Variants in MARCHF4 observed in about 807,000 individuals in gnomAD.
The protein encoded by MARCHF4 is E3 ubiquitin-protein ligase MARCHF4.
A neutral mutation model predicts 43.9 loss-of-function variants in MARCHF4; 14 were observed. The observed-to-expected ratio is 0.32, with a 90% confidence interval of 0.21 to 0.50. MARCHF4 has a LOEUF of 0.50. Among genes scored for constraint, MARCHF4 ranks in the 20% least tolerant of loss-of-function variants. The pLI is 0.98. For missense variants in MARCHF4, 468 were observed against 536.7 expected (o/e 0.87, Z 1.27); for synonymous variants, 226 against 213.3 (o/e 1.06, Z -0.52).
chr2:216,338,786 A>G (rs76925374), intron 1 of MARCHF4, among the ~76,000 whole-genome samples: 1,694 of 152,260 alleles, frequency 0.011, 28 homozygotes, highest in African/African-American at 0.039. Context: ...CTTGAACTCC[A>G]AAGTCTTCAA....
At chr2:216,329,466 A>G (rs1290365599) in intron 1 of MARCHF4, among the ~76,000 whole-genome samples, 1 of 152,162 alleles carries the variant, frequency 6.6e-6, no homozygotes, top group Non-Finnish European at 1.5e-5. Flanking sequence ...TATTTCAGAA[A>G]TGGGAAAAAT....
intron 1 of MARCHF4, among the ~76,000 whole-genome samples, chr2:216,293,871 G>GA: frequency 7.5e-6 from 1 of 134,016 alleles, no homozygotes; most frequent in South Asian, 2.4e-4. Context: ...GGGTCTGGCG[G>GA]AAAAAAAGGT....
chr2:216,366,169 T>A (rs1205785857), intron 1 of MARCHF4, among the ~76,000 whole-genome samples: 1 of 152,216 alleles, frequency 6.6e-6, no homozygotes, highest in Non-Finnish European at 1.5e-5. Flanking sequence ...CAGAATAATC[T>A]TATGACATGG....
intron 3 of MARCHF4, among the ~76,000 whole-genome samples, chr2:216,264,777 T>C (rs1690818037): frequency 6.6e-6 from 1 of 152,246 alleles, no homozygotes; most frequent in African/African-American, 2.4e-5. Context: ...CTGGTGTGAA[T>C]GCTGCCTTCC....
chr2:216,284,246 C>A (rs1477341570), intron 1 of MARCHF4, among the ~76,000 whole-genome samples: 1 of 152,076 alleles, frequency 6.6e-6, no homozygotes, highest in African/African-American at 2.4e-5. Context: ...GACAAATGCC[C>A]TCACTGAAGG....
At chr2:216,369,432 C>T (rs1692717668) in intron 1 of MARCHF4, among the ~76,000 whole-genome samples, 1 of 152,136 alleles carries the variant, frequency 6.6e-6, no homozygotes, top group Non-Finnish European at 1.5e-5. Flanking sequence ...AATGTACCAC[C>T]AAGTTTCTTC....
chr2:216,274,986 C>G (rs1690997627), intron 3 of MARCHF4, among the ~76,000 whole-genome samples: 1 of 152,210 alleles, frequency 6.6e-6, no homozygotes, highest in Admixed American at 6.5e-5. Context: ...AGTAGGGTCC[C>G]TCTGCATTCC....
At chr2:216,333,537 T>G (rs1692112699) in intron 1 of MARCHF4, among the ~76,000 whole-genome samples, 1 of 152,156 alleles carries the variant, frequency 6.6e-6, no homozygotes, top group Non-Finnish European at 1.5e-5. Flanking sequence ...GGAATGGAAA[T>G]TGCACAACAT....
chr2:216,313,117 C>T lies in MARCHF4; in HGVS notation c.517-29388G>A, dbSNP rs140466456. Among the ~76,000 whole-genome samples, 3 of 152,318 alleles carry T rather than the reference C, an allele frequency of 2.0e-5. No individual in the cohort carries two copies. In the East Asian group the frequency reaches 5.8e-4, roughly 29 times the overall value. On this transcript the variant is annotated intron_variant, in intron 1 of 3. Coordinates refer to ENST00000273067, the MANE Select transcript of MARCHF4 (RefSeq NM_020814.3). ...GCACCTTGTTAGCCAATTATCCCAG[C>T]ACCATTAACTGAATAGGGTGTCCTT...
At chr2:216,320,834 C>CT (rs1181410298) in intron 1 of MARCHF4, among the ~76,000 whole-genome samples, 8,827 of 116,722 alleles carry the variant, frequency 0.076, 544 homozygotes, top group African/African-American at 0.15. Flanking sequence ...CCATGCCTGG[C>CT]TTTTTTTTTT....
At chr2:216,337,186 A>G (rs1198435592) in intron 1 of MARCHF4, among the ~76,000 whole-genome samples, 1 of 152,082 alleles carries the variant, frequency 6.6e-6, no homozygotes, top group Non-Finnish European at 1.5e-5. Flanking sequence ...AAAAAGAATG[A>G]ATGACAATGT....
intron 1 of MARCHF4, among the ~76,000 whole-genome samples, chr2:216,336,415 C>G (rs1328123760): frequency 1.3e-5 from 2 of 152,172 alleles, no homozygotes; most frequent in Non-Finnish European, 2.9e-5. Flanking sequence ...AACCCATCCA[C>G]TCAGACTTGT....
At chr2:216,318,344 A>T (rs920577727) in intron 1 of MARCHF4, among the ~76,000 whole-genome samples, 2 of 152,222 alleles carry the variant, frequency 1.3e-5, no homozygotes, top group African/African-American at 4.8e-5. Context: ...GGGGACGGGG[A>T]TGTAGCAGTG....
intron 1 of MARCHF4, among the ~76,000 whole-genome samples, chr2:216,350,818 G>A (rs921225870): frequency 2.0e-5 from 3 of 152,164 alleles, no homozygotes; most frequent in Non-Finnish European, 2.9e-5. Flanking sequence ...TTGTTAAACC[G>A]AAAAGTTATT....
chr2:216,318,934 A>G (rs148035693), intron 1 of MARCHF4, among the ~76,000 whole-genome samples: 7 of 152,254 alleles, frequency 4.6e-5, no homozygotes, highest in Middle Eastern at 3.4e-3. Context: ...AGGATTATGG[A>G]TTTTCTTTTC....
intron 1 of MARCHF4, among the ~76,000 whole-genome samples, chr2:216,350,527 C>A (rs960379113): frequency 6.7e-6 from 1 of 148,158 alleles, no homozygotes; most frequent in Non-Finnish European, 1.5e-5. Flanking sequence ...TGTGCCACAC[C>A]ACCACACTGT....
Position 216,370,289 on chromosome 2 carries a change from G to C in MARCHF4, c.-29C>G, listed in dbSNP as rs771503567. 78 of 1,556,778 alleles carry C rather than the reference G, an allele frequency of 5.0e-5. No homozygotes were observed. The highest frequency in any genetic ancestry group is 6.3e-5 in the Non-Finnish European group (72 of 1,149,192). On this transcript the variant is annotated 5_prime_UTR_variant, in exon 1 of 4. Coordinates refer to ENST00000273067, the MANE Select transcript of MARCHF4 (RefSeq NM_020814.3). Reference sequence around the variant, plus strand: ...CCCCGTGGAAGTAGAGAGCCCAAGAGGGGTGGCTGGAGTCTTAAAAGAGGG... The same window carrying C: ...CCCCGTGGAAGTAGAGAGCCCAAGACGGGTGGCTGGAGTCTTAAAAGAGGG...
At chr2:216,368,823 A>G (rs189520874) in intron 1 of MARCHF4, among the ~76,000 whole-genome samples, 4 of 152,322 alleles carry the variant, frequency 2.6e-5, no homozygotes, top group Admixed American at 2.0e-4. Context: ...GCCACATTCT[A>G]TAGTTCCTGA....
intron 3 of MARCHF4, chr2:216,259,897 G>C: frequency 1.8e-6 from 1 of 565,750 alleles, no homozygotes; most frequent in East Asian, 2.9e-5. Context: ...AGCACCTTCA[G>C]GCAGTGCCTT....
Sources: gnomAD v4.1 joint callset for allele counts (sites outside exome capture counted in the v4.1 genomes callset) on GRCh38, gnomAD v4.1.1 for gene constraint, MANE v1.5 for transcripts, NCBI Gene and HGNC (gene_info 2026-07-23, HGNC 2026-07-21) for gene names.